Variants in PDE8B observed in about 807,000 individuals in gnomAD.
The protein encoded by PDE8B is high affinity cAMP-specific and IBMX-insensitive 3',5'-cyclic phosphodiesterase 8B.
PDE8B carries 26 observed loss-of-function variants against 101.3 expected under a neutral mutation model. The observed-to-expected ratio is 0.26, with a 90% CI of 0.19 to 0.36. The LOEUF (loss-of-function observed/expected upper bound fraction) is 0.36. Ranked by LOEUF, PDE8B falls within the 10% of genes least tolerant of loss-of-function variation. PDE8B has a pLI of 1.00. For missense variants in PDE8B, 810 were observed against 1,163.1 expected, an observed-to-expected ratio of 0.70 and a Z score of 4.42; for synonymous variants, 424 against 429.3, an observed-to-expected ratio of 0.99 and a Z score of 0.15.
intron 1 of PDE8B, among the ~76,000 whole-genome samples, chr5:77,296,804 T>A (rs1768678143): frequency 6.6e-6 from 1 of 152,204 alleles, no homozygotes; most frequent in South Asian, 2.1e-4. Flanking sequence ...TGGGAGAATC[T>A]GCTTGTTTCC....
At position 77,329,006 on chromosome 5, in the gene PDE8B, G is replaced by A. The variant is rs776512625; in HGVS notation, c.599G>A (p.Arg200Gln). ...FDAEAVCRSI[R>Q]ATNPSEHTVI... ...GAGCCTTCTCATTGCAGGTCGATCC[G>A]GGCCACAAATCCCTCCGAGCACACG... The change falls in exon 4 of 22, where the codon CGG becomes CAG. Residue 200 changes from arginine to glutamine, a missense_variant. By Grantham distance (43) the Arg-to-Gln change is conservative. Around this residue, in one of 4 missense-constraint regions of PDE8B, gnomAD observed 251 missense variants for 378.8 expected, o/e 0.66. Transcript: ENST00000264917. 4 of 1,613,844 alleles carry A rather than the reference G, an allele frequency of 2.5e-6. No homozygotes were observed. The highest frequency in any genetic ancestry group is 1.7e-5 in the Admixed American group (1 of 59,996).
intron 1 of PDE8B, among the ~76,000 whole-genome samples, chr5:77,279,463 A>T (rs573400213): frequency 6.6e-6 from 1 of 152,282 alleles, no homozygotes; most frequent in South Asian, 2.1e-4. Context: ...CACTGTCCTT[A>T]TAGCCAGAAA....
the PDE8B span, among the ~76,000 whole-genome samples, chr5:77,109,897 T>C: frequency 7.0e-6 from 1 of 143,290 alleles, no homozygotes; most frequent in Non-Finnish European, 1.5e-5. Context: ...AATGAATCAC[T>C]AAAACATATT....
chr5:77,334,164 A>G (rs1019439183), intron 5 of PDE8B, among the ~76,000 whole-genome samples: 5 of 152,214 alleles, frequency 3.3e-5, no homozygotes, highest in African/African-American at 9.7e-5. Flanking sequence ...TTTGCCTTCC[A>G]TGAAGTTGTT....
intron 6 of PDE8B, among the ~76,000 whole-genome samples, chr5:77,344,298 G>C (rs770916973): frequency 5.3e-5 from 8 of 152,194 alleles, no homozygotes; most frequent in Non-Finnish European, 1.2e-4. Context: ...GACACGTGAG[G>C]GTGTTATGTC....
the PDE8B span, among the ~76,000 whole-genome samples, chr5:77,138,981 A>G: frequency 5.3e-5 from 8 of 152,216 alleles, no homozygotes; most frequent in African/African-American, 1.7e-4. Flanking sequence ...AGTTACCTCA[A>G]GCTTGCAACA....
the PDE8B span, among the ~76,000 whole-genome samples, chr5:77,148,864 A>C: frequency 1.3e-5 from 2 of 152,220 alleles, no homozygotes; most frequent in South Asian, 4.1e-4. Context: ...TTTGAAGTGC[A>C]AAAGTTTGAT....
rs549287814 is a variant in PDE8B, at chr5:77,384,508, T to C, written c.1168-15740T>C. Among the ~76,000 whole-genome samples, 15 of 152,342 alleles carry C rather than the reference T, an allele frequency of 9.8e-5. No individual in the cohort carries two copies. In the South Asian group the frequency reaches 2.7e-3, roughly 27 times the overall value. ...GCCCTTGCCAGAACTTCCAATACCA[T>C]GTTGAATAGGCGTGGTGAGAGAGGG... On this transcript the variant is annotated intron_variant, in intron 10 of 21. Coordinates refer to ENST00000264917, the MANE Select transcript of PDE8B (RefSeq NM_003719.5).
chr5:77,319,801 C>T (rs1354875929), intron 2 of PDE8B, among the ~76,000 whole-genome samples: 1 of 152,190 alleles, frequency 6.6e-6, no homozygotes, highest in Admixed American at 6.5e-5. Flanking sequence ...AAAATGTCAG[C>T]AGCTGATCCA....
At chr5:77,126,009 G>A in the PDE8B span, among the ~76,000 whole-genome samples, 20 of 152,132 alleles carry the variant, frequency 1.3e-4, no homozygotes, top group Admixed American at 1.0e-3. Context: ...AGTTACAGCC[G>A]GGCTCAGTGG....
chr5:77,088,026 C>T, the PDE8B span: 5 of 152,264 alleles, frequency 3.3e-5, no homozygotes, highest in Admixed American at 2.0e-4. Flanking sequence ...GAAGTGTACC[C>T]CTCTCTTAAG....
At chr5:77,343,083 A>G (rs1043328384) in intron 6 of PDE8B, among the ~76,000 whole-genome samples, 5 of 152,224 alleles carry the variant, frequency 3.3e-5, no homozygotes, top group Admixed American at 1.3e-4. Context: ...AGTCCATTCC[A>G]TGATCCACGA....
chr5:77,358,598 A>T (rs1782541879), intron 10 of PDE8B: 1 of 207,230 alleles, frequency 4.8e-6, no homozygotes, highest in Non-Finnish European at 8.4e-6. Flanking sequence ...TAGGAAATTA[A>T]AGATGCAACT....
intron 10 of PDE8B, among the ~76,000 whole-genome samples, chr5:77,385,798 T>G (rs1326018959): frequency 6.8e-6 from 1 of 146,442 alleles, no homozygotes; most frequent in African/African-American, 2.5e-5. Context: ...GAGTGAGGTT[T>G]TTTTTTTTTT....
At chr5:77,248,299 T>C (rs1757374548) in intron 1 of PDE8B, among the ~76,000 whole-genome samples, 1 of 152,142 alleles carries the variant, frequency 6.6e-6, no homozygotes, top group Admixed American at 6.5e-5. Flanking sequence ...CTAATATGGG[T>C]GGAAGTCATA....
chr5:77,337,148 A>G, intron 5 of PDE8B, 79 bp from the exon 6 acceptor site: 1 of 799,180 alleles, frequency 1.3e-6, no homozygotes, highest in Admixed American at 2.0e-5. Context: ...GGGGATAGGA[A>G]CAACTGTTAA....
intron 1 of PDE8B, among the ~76,000 whole-genome samples, chr5:77,282,296 G>A (rs539284879): frequency 2.4e-4 from 36 of 152,110 alleles, no homozygotes; most frequent in Non-Finnish European, 4.7e-4. Flanking sequence ...CAGCCAGGAT[G>A]AGCTTATTCA....
chr5:77,188,096 G>T, the PDE8B span, among the ~76,000 whole-genome samples: 1 of 152,112 alleles, frequency 6.6e-6, no homozygotes, highest in South Asian at 2.1e-4. Context: ...GACCATCTTT[G>T]TTGGAATAGC....
chr5:77,390,165 A>G (rs556197867), intron 10 of PDE8B, among the ~76,000 whole-genome samples: 17 of 152,306 alleles, frequency 1.1e-4, no homozygotes, highest in African/African-American at 4.1e-4. Context: ...GAGACAAATG[A>G]CCCTGAAATC....
Sources: gnomAD v4.1 joint callset for allele counts (sites outside exome capture counted in the v4.1 genomes callset) on GRCh38, gnomAD v4.1.1 for gene constraint, gnomAD v4.1.1 regional missense constraint, MANE v1.5 for transcripts, NCBI Gene and HGNC (gene_info 2026-07-23, HGNC 2026-07-21) for gene names.